The following CLASP1 variants were observed in gnomAD, a reference collection of about 807,000 sequenced individuals.
CLASP1 encodes the protein CLIP-associating protein 1.
CLASP1 carries 38 observed loss-of-function variants against 192.3 expected under a neutral mutation model. The ratio of observed to expected loss-of-function variants is 0.20; its 90% CI spans 0.15 to 0.26. The LOEUF (loss-of-function observed/expected upper bound fraction) is 0.26, where lower values mean the gene tolerates loss of function less well. Among genes scored for constraint, CLASP1 ranks in the 10% least tolerant of loss-of-function variants. The pLI is 1.00. For missense variants in CLASP1, 1,433 were observed against 1,932.5 expected, an observed-to-expected ratio of 0.74 and a Z score of 4.85; for synonymous variants, 691 against 712.8, an observed-to-expected ratio of 0.97 and a Z score of 0.49.
rs2064383609 is a variant in CLASP1 at position 121,606,191 on chromosome 2, A to C, written c.-285-11T>G. 2 of 457,510 alleles carry C rather than the reference A, an allele frequency of 4.4e-6. No individual in the cohort carries two copies. The highest frequency in any genetic ancestry group is 7.7e-6 in the Non-Finnish European group (2 of 260,444). The allele number at this position is 457,510 out of a possible 1,614,324, so 28.3% of individuals were successfully genotyped here. A position where few individuals can be genotyped will look rare whatever the true frequency, so the allele number is the denominator to read the frequency against. On this transcript the variant is annotated splice_polypyrimidine_tract_variant and intron_variant, in intron 1 of 39. Transcript: ENST00000263710. ...ATTCAGCAGTCCATTCTGAAAAGTA[A>C]GAGAAGAGAACGACAAATTAGCACA... is the stretch of plus-strand genomic sequence containing the variant.
At chr2:121,567,803 G>A (rs1490698791) in intron 2 of CLASP1, among the ~76,000 whole-genome samples, 1 of 152,210 alleles carries the variant, frequency 6.6e-6, no homozygotes, top group African/African-American at 2.4e-5. Context: ...ACAAAGAGGT[G>A]TTAGGAAAGA....
chr2:121,431,902 C>T (rs546227420), intron 19 of CLASP1, among the ~76,000 whole-genome samples: 3 of 152,074 alleles, frequency 2.0e-5, no homozygotes, highest in South Asian at 2.1e-4. Context: ...ACTTATGTAT[C>T]GATAAAGAAC....
chr2:121,589,925 T>C (rs992726551), intron 2 of CLASP1, among the ~76,000 whole-genome samples: 1 of 152,068 alleles, frequency 6.6e-6, no homozygotes, highest in African/African-American at 2.4e-5. Context: ...AGGTATCAGG[T>C]CTTCCTCCTC....
chr2:121,638,111 A>C (rs1003203433), intron 1 of CLASP1, among the ~76,000 whole-genome samples: 1 of 152,106 alleles, frequency 6.6e-6, no homozygotes, highest in Non-Finnish European at 1.5e-5. Flanking sequence ...TAAAACTCAA[A>C]AACAAAAAGG....
exon 40 of CLASP1, chr2:121,337,988 C>T (rs2062477403): frequency 1.3e-5 from 2 of 152,200 alleles, no homozygotes; most frequent in African/African-American, 4.8e-5. Flanking sequence ...ACCCACCCAA[C>T]CTGGGGGTGT....
chr2:121,481,333 AT>A (rs933009020), intron 8 of CLASP1, among the ~76,000 whole-genome samples: 1 of 152,212 alleles, frequency 6.6e-6, no homozygotes, highest in African/African-American at 2.4e-5. Flanking sequence ...CAAAAAAAAA[AT>A]GTATGGACAT....
intron 2 of CLASP1, among the ~76,000 whole-genome samples, chr2:121,547,629 G>A (rs958085389): frequency 1.3e-5 from 2 of 152,078 alleles, no homozygotes; most frequent in Non-Finnish European, 2.9e-5. Flanking sequence ...TGGGCAGCTC[G>A]GGAATGCCAA....
chr2:121,506,762 G>C (rs938478324), intron 7 of CLASP1, among the ~76,000 whole-genome samples: 2 of 152,170 alleles, frequency 1.3e-5, no homozygotes, highest in Non-Finnish European at 2.9e-5. Flanking sequence ...CCAGTCAGTA[G>C]AGGCTGGGAG....
At chr2:121,607,063 C>T (rs572014478) in intron 1 of CLASP1, among the ~76,000 whole-genome samples, 41 of 149,056 alleles carry the variant, frequency 2.8e-4, no homozygotes, top group Admixed American at 1.1e-3. Context: ...CAAAAAAGGC[C>T]GGGTACGGTG....
At chr2:121,499,626 T>C (rs1392576366) in intron 8 of CLASP1, among the ~76,000 whole-genome samples, 4 of 151,834 alleles carry the variant, frequency 2.6e-5, no homozygotes, top group Admixed American at 6.6e-5. Context: ...GGAGAATGTA[T>C]CTCAATTTTT....
rs544520787 is a variant in CLASP1 at position 121,386,083 on chromosome 2, T to C, written c.3374+1039A>G. ...CCAAGAGGAAAACACAAATTTCTTA[T>C]GTTCCAAAGTATTTAAAGGATATGA... is the stretch of plus-strand genomic sequence containing the variant. On this transcript the variant is annotated intron_variant, in intron 32 of 39. Coordinates refer to ENST00000263710, the Ensembl canonical transcript of CLASP1. Among the ~76,000 whole-genome samples the C allele has an allele frequency of 3.3e-5, 5 of 152,348 alleles. No homozygotes were observed. The South Asian group carries it at 8.3e-4, about 25-fold the overall frequency.
Position 121,435,244 on chromosome 2 carries a change from TG to T in CLASP1, c.1913-5068del, listed in dbSNP as rs2082102063. ...ATCTTTCTCATTTAACCACAAAGCTTGGTTTATTTGACTTTATTTTTACTTC... is the reference window on the plus strand; with the variant it reads ...ATCTTTCTCATTTAACCACAAAGCTTGTTTATTTGACTTTATTTTTACTTC... On this transcript the variant is annotated intron_variant, in intron 19 of 39. Transcript: ENST00000263710. Among the ~76,000 whole-genome samples, 5 of 152,296 alleles carry T rather than the reference TG, an allele frequency of 3.3e-5. No individual in the cohort carries two copies. The South Asian group carries it at 1.0e-3, about 32-fold the overall frequency.
At chr2:121,342,265 G>GTAC (rs2062874214) in intron 39 of CLASP1, among the ~76,000 whole-genome samples, 1 of 152,026 alleles carries the variant, frequency 6.6e-6, no homozygotes, top group Non-Finnish European at 1.5e-5. Context: ...GGGACCAGAG[G>GTAC]TGCACACCAC....
chr2:121,646,438 A>G (rs896978100), intron 1 of CLASP1, among the ~76,000 whole-genome samples: 4 of 152,186 alleles, frequency 2.6e-5, no homozygotes, highest in Admixed American at 1.3e-4. Flanking sequence ...AATCTGTAAA[A>G]TGTTCTGTTT....
Position 121,622,380 on chromosome 2 carries a change from G to A in CLASP1, c.-285-16200C>T, listed in dbSNP as rs919183362. Among the ~76,000 whole-genome samples, 5 of 151,488 alleles carry A rather than the reference G, an allele frequency of 3.3e-5. No individual in the cohort carries two copies. In the South Asian group the frequency reaches 1.0e-3, roughly 32 times the overall value. ...GAATTCAGGAGTTTGAGACCAACCT[G>A]GGCAACATGGAGAAACCTAGTCTCT... is the stretch of plus-strand genomic sequence containing the variant. On this transcript the variant is annotated intron_variant, in intron 1 of 39. Coordinates refer to ENST00000263710, the Ensembl canonical transcript of CLASP1.
chr2:121,486,263 G>T (rs898667230), intron 8 of CLASP1, among the ~76,000 whole-genome samples: 2 of 152,106 alleles, frequency 1.3e-5, no homozygotes, highest in Admixed American at 1.3e-4. Context: ...GCCTTAAGTG[G>T]GCATATTCTG....
chr2:121,504,426 T>A (rs12052702), intron 7 of CLASP1, among the ~76,000 whole-genome samples: 5,851 of 152,254 alleles, frequency 0.038, 158 homozygotes, highest in East Asian at 0.14. Flanking sequence ...GGAAGCTCCT[T>A]AGGGGTAGAG....
chr2:121,486,746 G>A (rs1057494285), intron 8 of CLASP1, among the ~76,000 whole-genome samples: 16 of 152,108 alleles, frequency 1.1e-4, no homozygotes, highest in African/African-American at 3.9e-4. Context: ...AGAGCTATTT[G>A]CCATTTGTGC....
chr2:121,346,901 A>G, intron 39 of CLASP1, 137 bp downstream of exon 40: 1 of 595,024 alleles, frequency 1.7e-6, no homozygotes, highest in Non-Finnish European at 3.0e-6. Flanking sequence ...ATTTAGAAAA[A>G]TCCTCTTGGA....
Sources: allele counts gnomAD v4.1 joint callset (sites outside exome capture counted in the v4.1 genomes callset), GRCh38; gene constraint gnomAD v4.1.1; transcripts MANE v1.5; gene names NCBI Gene and HGNC (gene_info 2026-07-23, HGNC 2026-07-21).